The following CACNA1A variants were observed in gnomAD, a reference collection of about 807,000 sequenced individuals.
CACNA1A encodes the protein calcium voltage-gated channel subunit alpha1 A.
CACNA1A carries 57 observed loss-of-function variants against 262.4 expected under a neutral mutation model. That is an observed-to-expected ratio of 0.22 (90% CI 0.18 to 0.27). The LOEUF (loss-of-function observed/expected upper bound fraction) is 0.27, where lower values mean the gene tolerates loss of function less well. Among genes scored for constraint, CACNA1A ranks in the 10% least tolerant of loss-of-function variants. CACNA1A has a pLI of 1.00. For synonymous variants in CACNA1A, 1,431 were observed against 1,419.3 expected, an observed-to-expected ratio of 1.01 and a Z score of -0.18; for missense variants, 2,526 against 3,562.8, an observed-to-expected ratio of 0.71 and a Z score of 7.41.
At chr19:13,428,191 G>C (rs1476096658) in intron 3 of CACNA1A, among the ~76,000 whole-genome samples, 1 of 152,154 alleles carries the variant, frequency 6.6e-6, no homozygotes, top group Non-Finnish European at 1.5e-5. Flanking sequence ...GCCTCACGAC[G>C]TGCTGGGATT....
chr19:13,428,783 A>G (rs2060448869), intron 3 of CACNA1A, among the ~76,000 whole-genome samples: 1 of 152,004 alleles, frequency 6.6e-6, no homozygotes, highest in Admixed American at 6.6e-5. Context: ...TGGATGTCAC[A>G]GCCAATCACG....
chr19:13,396,485 G>A (rs1344917517), intron 3 of CACNA1A, among the ~76,000 whole-genome samples: 1 of 152,196 alleles, frequency 6.6e-6, no homozygotes, highest in African/African-American at 2.4e-5. Flanking sequence ...CTGGGATGAT[G>A]GAAATGTTCT....
At chr19:13,309,661 C>G (rs1368657250) in intron 12 of CACNA1A, among the ~76,000 whole-genome samples, 3 of 151,962 alleles carry the variant, frequency 2.0e-5, no homozygotes, top group African/African-American at 7.3e-5. Context: ...CCACTGCACT[C>G]TAGCCTGGGC....
At chr19:13,329,007 C>G (rs1327596423) in intron 10 of CACNA1A, among the ~76,000 whole-genome samples, 1 of 152,040 alleles carries the variant, frequency 6.6e-6, no homozygotes, top group Non-Finnish European at 1.5e-5. Context: ...CTTCTCCCCT[C>G]AATCTTATTC....
intron 1 of CACNA1A, among the ~76,000 whole-genome samples, chr19:13,473,837 CCTT>C (rs1178035814): frequency 6.6e-6 from 1 of 151,578 alleles, no homozygotes; most frequent in East Asian, 2.0e-4. Flanking sequence ...CAGCGGCAGT[CCTT>C]CTTGCATCTT....
intron 1 of CACNA1A, among the ~76,000 whole-genome samples, chr19:13,477,270 C>A (rs927197914): frequency 3.9e-5 from 6 of 152,236 alleles, no homozygotes; most frequent in African/African-American, 1.4e-4. Context: ...CTCCCCAGCC[C>A]TTTCTCTGCT....
chr19:13,418,468 T>C (rs2060262740), intron 3 of CACNA1A, among the ~76,000 whole-genome samples: 1 of 152,136 alleles, frequency 6.6e-6, no homozygotes, highest in Non-Finnish European at 1.5e-5. Flanking sequence ...AAAAATAAGG[T>C]ATGCAGGTAC....
chr19:13,305,349 A>G (rs2057878506), intron 15 of CACNA1A, among the ~76,000 whole-genome samples: 1 of 152,200 alleles, frequency 6.6e-6, no homozygotes, highest in South Asian at 2.1e-4. Flanking sequence ...AAGGCAAAGG[A>G]TTAGGTGTTG....
intron 23 of CACNA1A, among the ~76,000 whole-genome samples, 197 bp downstream of exon 23, chr19:13,276,872 C>T (rs1009905585): frequency 6.6e-6 from 1 of 151,886 alleles, no homozygotes; most frequent in Non-Finnish European, 1.5e-5. Context: ...CCACCATGCC[C>T]GGCTAATTTT....
rs1568547502 is a variant in CACNA1A, at chr19:13,336,605, GA to G, written c.979-697del. Among the ~76,000 whole-genome samples the G allele has an allele frequency of 8.9e-3, 1,168 of 131,598 alleles. 15 individuals are homozygous for G. Among genetic ancestry groups the G allele is most frequent in the African/African-American group, 0.033 (1,104 of 33,782 alleles). 86.3% of individuals were successfully genotyped at this position (131,598 alleles called of 152,430 possible). ...ACAGAGAGAGAGAGGGAGAGAGAGAGAGAGAGAGAGAGAGAGAGAGAGAGAG... is the reference window on the plus strand; with the variant it reads ...ACAGAGAGAGAGAGGGAGAGAGAGAGGAGAGAGAGAGAGAGAGAGAGAGAG... On this transcript the variant is annotated intron_variant, in intron 6 of 46. Coordinates refer to ENST00000360228, the MANE Select transcript of CACNA1A (RefSeq NM_001127222.2).
At chr19:13,217,927 CT>C (rs33920209) in intron 38 of CACNA1A, among the ~76,000 whole-genome samples, 2,039 of 91,414 alleles carry the variant, frequency 0.022, 16 homozygotes, top group African/African-American at 0.029. Flanking sequence ...ATAGTTCATT[CT>C]TTTTTTTTTT....
At chr19:13,408,688 C>T (rs2060056108) in intron 3 of CACNA1A, among the ~76,000 whole-genome samples, 1 of 152,126 alleles carries the variant, frequency 6.6e-6, no homozygotes, top group African/African-American at 2.4e-5. Context: ...TGTTCTTGCC[C>T]CAAAGAATGT....
At chr19:13,222,577 A>T (rs538732091) in intron 38 of CACNA1A, among the ~76,000 whole-genome samples, 3 of 150,136 alleles carry the variant, frequency 2.0e-5, no homozygotes, top group African/African-American at 7.4e-5. Context: ...TTGTATTTTT[A>T]GTAGAGAAGG....
At chr19:13,475,982 T>C (rs995421104) in intron 1 of CACNA1A, among the ~76,000 whole-genome samples, 2 of 152,158 alleles carry the variant, frequency 1.3e-5, no homozygotes, top group Non-Finnish European at 2.9e-5. Flanking sequence ...TATGAGGCTA[T>C]ATAAGGAGGC....
At chr19:13,323,854 C>T (rs1042207670) in intron 10 of CACNA1A, among the ~76,000 whole-genome samples, 10 of 152,122 alleles carry the variant, frequency 6.6e-5, no homozygotes, top group Middle Eastern at 3.2e-3. Context: ...GAGACCAATG[C>T]CATGGAGCTT....
chr19:13,267,097 G>C (rs181006196), intron 24 of CACNA1A, among the ~76,000 whole-genome samples: 215 of 152,180 alleles, frequency 1.4e-3, no homozygotes, highest in African/African-American at 4.7e-3. Context: ...TAACGAGGCT[G>C]CACCAGGGGA....
In CACNA1A at chr19:13,505,922, A is replaced by G. The variant is rs1347048304; in HGVS notation, c.293+10T>C. 1.9e-6 allele frequency: 3 copies of G among 1,610,848 alleles called. No homozygotes were observed. In the African/African-American group the frequency reaches 4.0e-5, roughly 22 times the overall value. On this transcript the variant is annotated intron_variant, in intron 1 of 46. Transcript: ENST00000360228. ...GCGCAGCTGCTGCTGGGGTTCGGGC[A>G]AAAGGATATGGCCATTCGGTGATCT...
chr19:13,237,070 G>C (rs2055901780), intron 31 of CACNA1A, among the ~76,000 whole-genome samples: 2 of 152,100 alleles, frequency 1.3e-5, no homozygotes, highest in Admixed American at 1.3e-4. Context: ...GCAACCCCAG[G>C]CCTGCTGCGA....
At chr19:13,347,658 C>T (rs2058817468) in intron 6 of CACNA1A, among the ~76,000 whole-genome samples, 5 of 152,190 alleles carry the variant, frequency 3.3e-5, no homozygotes, top group Admixed American at 3.3e-4. Flanking sequence ...TATTTAATGT[C>T]TGCTGTCTGC....
Sources: allele counts gnomAD v4.1 joint callset (sites outside exome capture counted in the v4.1 genomes callset), GRCh38; gene constraint gnomAD v4.1.1; transcripts MANE v1.5; gene names NCBI Gene and HGNC (gene_info 2026-07-23, HGNC 2026-07-21).